The following FOXP2 variants were observed in gnomAD, a reference collection of about 807,000 sequenced individuals.
FOXP2 encodes the protein forkhead box P2.
Under a neutral mutation model 115.8 loss-of-function variants are expected in FOXP2, and 12 were observed. The ratio of observed to expected loss-of-function variants is 0.10; its 90% CI spans 0.07 to 0.17. The LOEUF is 0.17. FOXP2 is among the 10% of genes least tolerant of loss of function. FOXP2 has a pLI of 1.00. For missense variants in FOXP2, 629 were observed against 843.5 expected (o/e 0.75, Z 3.15); for synonymous variants, 328 against 297.7 (o/e 1.10, Z -1.05).
chr7:114,156,760 T>A (rs1399302105), intron 1 of FOXP2, among the ~76,000 whole-genome samples: 1 of 152,176 alleles, frequency 6.6e-6, no homozygotes, highest in Non-Finnish European at 1.5e-5. Context: ...GTATGCTAGT[T>A]TTAATCTTAC....
intron 2 of FOXP2, among the ~76,000 whole-genome samples, chr7:114,492,187 G>T (rs1347332146): frequency 6.6e-6 from 1 of 152,160 alleles, no homozygotes; most frequent in Non-Finnish European, 1.5e-5. Flanking sequence ...AGATTTTCTA[G>T]TTTATTTGCG....
intron 1 of FOXP2, among the ~76,000 whole-genome samples, chr7:114,191,090 A>G (rs995956049): frequency 2.6e-5 from 4 of 152,050 alleles, no homozygotes; most frequent in African/African-American, 9.7e-5. Flanking sequence ...ATCAGGTATA[A>G]CTCACGTATT....
At chr7:114,627,112 T>C (rs1804631303) in intron 3 of FOXP2, among the ~76,000 whole-genome samples, 1 of 151,628 alleles carries the variant, frequency 6.6e-6, no homozygotes, top group Admixed American at 6.6e-5. Context: ...TTATTTCTTT[T>C]TGGAGGAAGA....
chr7:114,086,719 C>T (rs1799428158), upstream of FOXP2: 1 of 228,412 alleles, frequency 4.4e-6, no homozygotes. Flanking sequence ...CCGCGCTCCT[C>T]CCGCGGTGGC....
At chr7:114,531,644 A>G (rs969586366) in intron 2 of FOXP2, among the ~76,000 whole-genome samples, 5 of 151,920 alleles carry the variant, frequency 3.3e-5, no homozygotes, top group Non-Finnish European at 5.9e-5. Flanking sequence ...CTACTCTACC[A>G]AAAGAATGTT....
chr7:114,689,729 A>G, intron 16 of FOXP2, 53 bp from the exon 17 acceptor site: 2 of 1,607,294 alleles, frequency 1.2e-6, no homozygotes, highest in Non-Finnish European at 1.7e-6. Context: ...AGTTGGCCAA[A>G]CTCTGTTTGT....
At chr7:114,626,555 C>G (rs1416694320) in intron 3 of FOXP2, among the ~76,000 whole-genome samples, 6 of 107,248 alleles carry the variant, frequency 5.6e-5, no homozygotes, top group Non-Finnish European at 1.2e-4. Flanking sequence ...CTCTCTCTGT[C>G]TCTCTCTCTA....
chr7:114,645,125 T>A (rs1805805681), intron 8 of FOXP2: 1 of 105,492 alleles, frequency 9.5e-6, no homozygotes, highest in Non-Finnish European at 1.8e-5. Flanking sequence ...ATGTGAGTCA[T>A]CCTAATATAT....
chr7:114,532,672 A>G (rs929513541), intron 2 of FOXP2, among the ~76,000 whole-genome samples: 2 of 151,894 alleles, frequency 1.3e-5, no homozygotes, highest in African/African-American at 4.8e-5. Context: ...AACAGTGTTC[A>G]ATAAATTTTT....
intron 1 of FOXP2, among the ~76,000 whole-genome samples, chr7:114,128,130 A>G (rs950625425): frequency 6.6e-6 from 1 of 152,156 alleles, no homozygotes; most frequent in African/African-American, 2.4e-5. Flanking sequence ...AAACTCTTTT[A>G]CTTTATTTTA....
chr7:114,640,633 A>G (rs1232746596), intron 6 of FOXP2, among the ~76,000 whole-genome samples: 2 of 152,140 alleles, frequency 1.3e-5, no homozygotes, highest in Non-Finnish European at 2.9e-5. Flanking sequence ...TCTTCTCACC[A>G]TCATATTCTG....
intron 2 of FOXP2, among the ~76,000 whole-genome samples, chr7:114,465,340 T>G (rs1247644944): frequency 1.3e-5 from 2 of 152,182 alleles, no homozygotes; most frequent in Non-Finnish European, 2.9e-5. Context: ...ATTCTACTTT[T>G]TACTCACTAG....
chr7:114,636,620 A>G lies in FOXP2; in HGVS notation c.775+4915A>G, dbSNP rs532765199. Among the ~76,000 whole-genome samples, 27 of 120,652 alleles carry G rather than the reference A, an allele frequency of 2.2e-4. No homozygotes were observed. The South Asian group carries it at 6.8e-3, about 30-fold the overall frequency. The allele number at this position is 120,652 out of a possible 152,430, so 79.2% of individuals were successfully genotyped here. ...CACAGAAAAAGAAATGACATTGAAA[A>G]AATCTTTTTTTTTTTTTTTGAGTGT... On this transcript the variant is annotated intron_variant, in intron 6 of 16. Coordinates refer to ENST00000350908, the MANE Select transcript of FOXP2 (RefSeq NM_014491.4).
chr7:114,115,613 T>C (rs1791384073), intron 1 of FOXP2, among the ~76,000 whole-genome samples: 1 of 152,116 alleles, frequency 6.6e-6, no homozygotes, highest in Admixed American at 6.6e-5. Context: ...ACTTTTCTTC[T>C]CTACTCAACC....
intron 2 of FOXP2, among the ~76,000 whole-genome samples, chr7:114,459,783 T>C (rs1025107058): frequency 1.3e-5 from 2 of 152,106 alleles, no homozygotes; most frequent in East Asian, 3.9e-4. Flanking sequence ...GCCCGGCTAC[T>C]TTTTGTATTA....
intron 3 of FOXP2, among the ~76,000 whole-genome samples, chr7:114,559,806 G>A (rs528278577): frequency 4.0e-5 from 6 of 151,398 alleles, no homozygotes; most frequent in South Asian, 2.1e-4. Context: ...GGAGAATGGC[G>A]TGAACCTGGC....
intron 3 of FOXP2, among the ~76,000 whole-genome samples, chr7:114,561,831 C>T (rs1024862423): frequency 6.6e-6 from 1 of 152,026 alleles, no homozygotes; most frequent in Non-Finnish European, 1.5e-5. Context: ...TCTCTATAGC[C>T]CATGCTGGAG....
rs767042489 is a variant in FOXP2 at position 114,659,337 on chromosome 7, C to A, written c.1469-19C>A. On this transcript the variant is annotated intron_variant, in intron 11 of 16. Coordinates refer to ENST00000350908, the MANE Select transcript of FOXP2 (RefSeq NM_014491.4). ...TGTGAATTATTAGCAGAATTAACAC[C>A]TAGTTTTTATTTTTATAGAAATTGC... 1.3e-6 allele frequency: 2 copies of A among 1,513,704 alleles called. No individual in the cohort carries two copies. Among genetic ancestry groups the A allele is most frequent in the Admixed American group, 3.3e-5 (2 of 59,748 alleles). The allele number at this position is 1,513,704 out of a possible 1,614,324, so 93.8% of individuals were successfully genotyped here.
At chr7:114,145,581 G>C (rs550913622) in intron 1 of FOXP2, among the ~76,000 whole-genome samples, 1 of 150,804 alleles carries the variant, frequency 6.6e-6, no homozygotes, top group Admixed American at 6.6e-5. Context: ...TCCACCTCCC[G>C]GGTTCAACTG....
Sources: gnomAD v4.1 joint callset for allele counts (sites outside exome capture counted in the v4.1 genomes callset) on GRCh38, gnomAD v4.1.1 for gene constraint, MANE v1.5 for transcripts, NCBI Gene and HGNC (gene_info 2026-07-23, HGNC 2026-07-21) for gene names.